The following GUCY1A2 variants were observed in gnomAD, a reference collection of about 807,000 sequenced individuals.
The protein encoded by GUCY1A2 is guanylate cyclase 1 soluble subunit alpha 2.
Under a neutral mutation model 63.5 loss-of-function variants are expected in GUCY1A2, and 27 were observed. That is an observed-to-expected ratio of 0.43 (90% CI 0.31 to 0.59). The LOEUF (loss-of-function observed/expected upper bound fraction) is 0.59, where lower values mean the gene tolerates loss of function less well. GUCY1A2 is among the 20% of genes least tolerant of loss of function. The pLI is 0.11. For missense variants in GUCY1A2, 768 were observed against 913.3 expected (o/e 0.84, Z 2.05); for synonymous variants, 364 against 343.5 (o/e 1.06, Z -0.66).
At chr11:106,764,797 T>C (rs935062110) in intron 6 of GUCY1A2, among the ~76,000 whole-genome samples, 1 of 152,018 alleles carries the variant, frequency 6.6e-6, no homozygotes, top group Non-Finnish European at 1.5e-5. Flanking sequence ...TCCAGTTTCC[T>C]ATACTGAAAA....
rs1862354580 is a variant in GUCY1A2, at chr11:106,676,808, A to G, written c.*10741T>C. On this transcript the variant is annotated 3_prime_UTR_variant, in exon 8 of 8. Coordinates refer to ENST00000526355, the MANE Select transcript of GUCY1A2 (RefSeq NM_000855.3). ...GGTACTCACATAAAAAAAAATGACT[A>G]CTTGAAAATAAGAGGTTTTTCTAAC... 1 of 197,318 alleles carries G rather than the reference A, an allele frequency of 5.1e-6. No homozygotes were observed. Among genetic ancestry groups the G allele is most frequent in the Non-Finnish European group, 1.0e-5 (1 of 95,328 alleles). 12.2% of individuals were successfully genotyped at this position (197,318 alleles called of 1,614,324 possible).
intron 4 of GUCY1A2, among the ~76,000 whole-genome samples, chr11:106,930,974 C>G (rs539337135): frequency 1.8e-4 from 27 of 152,180 alleles, no homozygotes; most frequent in Non-Finnish European, 3.4e-4. Flanking sequence ...GAAGGAGATA[C>G]TGAAATATGT....
At chr11:106,950,456 T>C (rs1300761430) in intron 3 of GUCY1A2, among the ~76,000 whole-genome samples, 1 of 152,222 alleles carries the variant, frequency 6.6e-6, no homozygotes, top group Non-Finnish European at 1.5e-5. Flanking sequence ...ACCTGGCCCC[T>C]TATTCTGGAA....
intron 7 of GUCY1A2, among the ~76,000 whole-genome samples, chr11:106,700,115 C>A (rs1250780466): frequency 1.3e-5 from 2 of 152,068 alleles, no homozygotes; most frequent in Non-Finnish European, 2.9e-5. Context: ...ACCACTTTTG[C>A]AAAGTACATA....
chr11:106,758,816 A>ATTTTTGCATTAATTGCAAAAT (rs1220225430), intron 6 of GUCY1A2, among the ~76,000 whole-genome samples: 2 of 152,230 alleles, frequency 1.3e-5, no homozygotes, highest in Non-Finnish European at 2.9e-5. Context: ...TTCAAAGAAA[A>ATTTTTGCATTAATTGCAAAAT]TGACATTTTT....
intron 3 of GUCY1A2, among the ~76,000 whole-genome samples, chr11:106,952,599 A>T (rs1860925189): frequency 6.6e-6 from 1 of 151,726 alleles, no homozygotes; most frequent in Admixed American, 6.6e-5. Context: ...GCATCCTGAG[A>T]CTTTGCTGAA....
intron 4 of GUCY1A2, among the ~76,000 whole-genome samples, chr11:106,874,101 G>A (rs182308784): frequency 6.6e-6 from 1 of 152,276 alleles, no homozygotes; most frequent in Non-Finnish European, 1.5e-5. Flanking sequence ...GAGAGTTTCA[G>A]CAGGAGGGTA....
At chr11:106,859,660 C>A (rs1252743839) in intron 4 of GUCY1A2, among the ~76,000 whole-genome samples, 1 of 151,944 alleles carries the variant, frequency 6.6e-6, no homozygotes, top group East Asian at 1.9e-4. Context: ...AGTCATACAT[C>A]ACCTAACAAT....
At chr11:106,965,460 T>C (rs142290620) in intron 3 of GUCY1A2, among the ~76,000 whole-genome samples, 2,102 of 152,326 alleles carry the variant, frequency 0.014, 29 homozygotes, top group South Asian at 0.048. Flanking sequence ...TATATGTGTA[T>C]GTGTGTGTAT....
chr11:106,927,306 G>A (rs1447892184), intron 4 of GUCY1A2, among the ~76,000 whole-genome samples: 1 of 151,492 alleles, frequency 6.6e-6, no homozygotes, highest in Non-Finnish European at 1.5e-5. Context: ...CCGGGGGGCG[G>A]AGCTTGCAGT....
intron 5 of GUCY1A2, among the ~76,000 whole-genome samples, chr11:106,801,413 C>A (rs961473558): frequency 6.6e-6 from 1 of 152,046 alleles, no homozygotes. Flanking sequence ...ATGAATATCT[C>A]ATTTTATGTA....
intron 6 of GUCY1A2, among the ~76,000 whole-genome samples, chr11:106,769,612 C>T (rs1011510348): frequency 1.3e-4 from 20 of 152,014 alleles, no homozygotes; most frequent in African/African-American, 4.1e-4. Context: ...ATAAATCTAT[C>T]GGAAAATATA....
intron 4 of GUCY1A2, among the ~76,000 whole-genome samples, chr11:106,892,761 G>A (rs1372671476): frequency 1.3e-5 from 2 of 152,084 alleles, no homozygotes; most frequent in African/African-American, 2.4e-5. Flanking sequence ...TTGTGTGATG[G>A]GGGTCTTGGC....
chr11:106,860,889 T>A, intron 4 of GUCY1A2, among the ~76,000 whole-genome samples: 1 of 151,920 alleles, frequency 6.6e-6, no homozygotes, highest in East Asian at 1.9e-4. Context: ...ATCCCAACCC[T>A]CATTTCAGCT....
chr11:107,015,390 T>C (rs1163221160), intron 1 of GUCY1A2, among the ~76,000 whole-genome samples: 1 of 152,102 alleles, frequency 6.6e-6, no homozygotes, highest in East Asian at 1.9e-4. Flanking sequence ...ATTTAACTTA[T>C]AAAAGTAACC....
Position 106,798,381 on chromosome 11 carries a change from A to G in GUCY1A2, c.1692+11612T>C, listed in dbSNP as rs1174815927. ...TCCTTCTGAAACTATTCCAATCAAA[A>G]GAAAAAGAGGGAATCCTCCCTAACT... On this transcript the variant is annotated intron_variant, in intron 5 of 7. Coordinates refer to ENST00000526355, the MANE Select transcript of GUCY1A2 (RefSeq NM_000855.3). Among the ~76,000 whole-genome samples the G allele has an allele frequency of 2.0e-5, 3 of 152,206 alleles. No homozygotes were observed. The East Asian group carries it at 5.8e-4, about 29-fold the overall frequency.
intron 5 of GUCY1A2, among the ~76,000 whole-genome samples, chr11:106,782,999 G>A (rs1864492658): frequency 6.6e-6 from 1 of 152,110 alleles, no homozygotes; most frequent in African/African-American, 2.4e-5. Flanking sequence ...TCAAGCAAAG[G>A]TATTAGGTCC....
At chr11:106,805,218 T>G (rs1398863274) in intron 5 of GUCY1A2, among the ~76,000 whole-genome samples, 7 of 151,130 alleles carry the variant, frequency 4.6e-5, no homozygotes, top group African/African-American at 1.7e-4. Flanking sequence ...CTACCTTTAC[T>G]CTGACAGAGA....
At chr11:106,886,457 T>A (rs1375782307) in intron 4 of GUCY1A2, among the ~76,000 whole-genome samples, 2 of 152,118 alleles carry the variant, frequency 1.3e-5, no homozygotes, top group Non-Finnish European at 2.9e-5. Context: ...ACTTCTGTTA[T>A]TTTGGGTCTT....
Sources: allele counts gnomAD v4.1 joint callset (sites outside exome capture counted in the v4.1 genomes callset), GRCh38; gene constraint gnomAD v4.1.1; transcripts MANE v1.5; gene names NCBI Gene and HGNC (gene_info 2026-07-23, HGNC 2026-07-21).